The following FHOD3 variants were observed in gnomAD, a reference collection of about 807,000 sequenced individuals.
FHOD3 encodes FH1/FH2 domain-containing protein 3.
In FHOD3, 90 loss-of-function variants were observed where a neutral mutation model predicts 173.0. That is an observed-to-expected ratio of 0.52 (90% CI 0.44 to 0.62). The LOEUF (loss-of-function observed/expected upper bound fraction) is 0.62. Ranked by LOEUF, FHOD3 falls within the 20% of genes least tolerant of loss-of-function variation. The pLI, the probability that FHOD3 is intolerant of heterozygous loss-of-function variation, is 0.00. For synonymous variants in FHOD3, 828 were observed against 823.0 expected (o/e 1.01, Z -0.10); for missense variants, 1,945 against 2,034.7 (o/e 0.96, Z 0.85).
intron 3 of FHOD3, among the ~76,000 whole-genome samples, chr18:36,441,661 CAT>C (rs2051160544): frequency 6.6e-6 from 1 of 152,220 alleles, no homozygotes; most frequent in Non-Finnish European, 1.5e-5. Flanking sequence ...TGGGAAACCA[CAT>C]GTTACAGGGA....
At chr18:36,375,840 G>T (rs1057238949) in intron 3 of FHOD3, among the ~76,000 whole-genome samples, 1 of 152,226 alleles carries the variant, frequency 6.6e-6, no homozygotes, top group African/African-American at 2.4e-5. Flanking sequence ...TCAAACTTTT[G>T]TACCTCTGTG....
intron 1 of FHOD3, among the ~76,000 whole-genome samples, chr18:36,343,536 A>C (rs539412930): frequency 9.2e-5 from 14 of 152,150 alleles, no homozygotes; most frequent in Non-Finnish European, 2.1e-4. Context: ...GAACAGATTA[A>C]TGCCCATGGT....
chr18:36,611,351 A>G (rs920027706), intron 8 of FHOD3, among the ~76,000 whole-genome samples: 2 of 152,214 alleles, frequency 1.3e-5, no homozygotes, highest in Non-Finnish European at 2.9e-5. Flanking sequence ...GCATGGCCTT[A>G]GTAGGTCCTC....
chr18:36,733,272 TA>T (rs760062661), intron 20 of FHOD3, among the ~76,000 whole-genome samples: 2 of 152,210 alleles, frequency 1.3e-5, no homozygotes, highest in Admixed American at 6.5e-5. Flanking sequence ...TTTTCTATAA[TA>T]TCCTCTTACA....
At chr18:36,708,116 T>C (rs2149662297) in intron 17 of FHOD3, among the ~76,000 whole-genome samples, 1 of 152,278 alleles carries the variant, frequency 6.6e-6, no homozygotes, top group Admixed American at 6.5e-5. Flanking sequence ...ATAAGCCAGA[T>C]TGTGCCATTT....
intron 3 of FHOD3, among the ~76,000 whole-genome samples, chr18:36,468,563 G>A (rs2053089574): frequency 6.6e-6 from 1 of 152,194 alleles, no homozygotes; most frequent in South Asian, 2.1e-4. Flanking sequence ...GGGAAGGTGA[G>A]TGCCAGCCTG....
intron 3 of FHOD3, among the ~76,000 whole-genome samples, chr18:36,493,913 C>T (rs546690437): frequency 1.3e-5 from 2 of 152,336 alleles, no homozygotes; most frequent in South Asian, 4.1e-4. Context: ...ATGTATTTGA[C>T]ACTTGATGAG....
In FHOD3 at chr18:36,528,935, G is replaced by C. The variant is rs141377190; in HGVS notation, c.511+16392G>C. 2.0e-3 allele frequency among the ~76,000 whole-genome samples: 302 copies of C among 152,306 alleles called. 2 individuals are homozygous for C. The highest frequency in any genetic ancestry group is 6.8e-3 in the African/African-American group (281 of 41,566). ...CTCGCACACTCACTGCCCTGGGGGTGGGTTGGCATTAGCTGGACAGAATGT... is the reference window on the plus strand; with the variant it reads ...CTCGCACACTCACTGCCCTGGGGGTCGGTTGGCATTAGCTGGACAGAATGT... On this transcript the variant is annotated intron_variant, in intron 5 of 28. Transcript: ENST00000590592.
chr18:36,475,445 G>A (rs1390544759), intron 3 of FHOD3, among the ~76,000 whole-genome samples: 1 of 144,834 alleles, frequency 6.9e-6, no homozygotes, highest in Non-Finnish European at 1.5e-5. Context: ...TTTTAAATAG[G>A]TAGTTCAAGC....
At chr18:36,563,377 G>A (rs956081828) in intron 5 of FHOD3, among the ~76,000 whole-genome samples, 1 of 152,166 alleles carries the variant, frequency 6.6e-6, no homozygotes, top group Admixed American at 6.5e-5. Context: ...ATACACCCCC[G>A]CAGGGGCTTT....
chr18:36,600,245 C>G (rs1402222712), intron 7 of FHOD3, among the ~76,000 whole-genome samples: 1 of 118,956 alleles, frequency 8.4e-6, no homozygotes, highest in African/African-American at 3.3e-5. Flanking sequence ...GGAACCCTCT[C>G]CTCTGCAACA....
At chr18:36,679,475 C>T (rs1410950986) in intron 14 of FHOD3, among the ~76,000 whole-genome samples, 1 of 151,982 alleles carries the variant, frequency 6.6e-6, no homozygotes, top group Non-Finnish European at 1.5e-5. Context: ...AATTGTTGAG[C>T]TGATCACTCA....
chr18:36,631,080 G>A (rs926365636), intron 10 of FHOD3, among the ~76,000 whole-genome samples: 4 of 152,222 alleles, frequency 2.6e-5, no homozygotes, highest in Non-Finnish European at 4.4e-5. Context: ...TCCAGGCCAG[G>A]AGTACTGATG....
chr18:36,627,844 C>G (rs1380030942), intron 10 of FHOD3, among the ~76,000 whole-genome samples: 1 of 152,212 alleles, frequency 6.6e-6, no homozygotes, highest in Non-Finnish European at 1.5e-5. Context: ...GTGCCTCAAA[C>G]AGTACCTCAG....
rs78923784 is a variant in FHOD3 at position 36,726,604 on chromosome 18, A to T, written c.3418-4042A>T. Among the ~76,000 whole-genome samples, 726 of 152,246 alleles carry T rather than the reference A, an allele frequency of 4.8e-3. 7 individuals carry two copies. The highest frequency in any genetic ancestry group is 0.016 in the African/African-American group (680 of 41,542). ...TCATTGACCAATTTCCTTATTTTCA[A>T]ATTTTAAACCATGGAAAACCACTGT... On this transcript the variant is annotated intron_variant, in intron 19 of 28. Transcript: ENST00000590592.
At chr18:36,320,760 C>G (rs1296849479) in intron 1 of FHOD3, among the ~76,000 whole-genome samples, 1 of 152,178 alleles carries the variant, frequency 6.6e-6, no homozygotes, top group Non-Finnish European at 1.5e-5. Context: ...GTGCATTGCA[C>G]CTGAACCTGA....
At chr18:36,735,121 GTC>G (rs2041565780) in intron 20 of FHOD3, among the ~76,000 whole-genome samples, 1 of 152,048 alleles carries the variant, frequency 6.6e-6, no homozygotes, top group South Asian at 2.1e-4. Context: ...ATTTTATAGA[GTC>G]TGTGTCTACT....
chr18:36,493,542 G>A (rs779247045), intron 3 of FHOD3, among the ~76,000 whole-genome samples: 9 of 152,148 alleles, frequency 5.9e-5, no homozygotes, highest in East Asian at 5.8e-4. Flanking sequence ...GGAAATGGGC[G>A]TCACCCAAGC....
chr18:36,636,672 C>T (rs866897999), intron 10 of FHOD3, among the ~76,000 whole-genome samples: 3,711 of 132,666 alleles, frequency 0.028, 169 homozygotes, highest in African/African-American at 0.1. Context: ...TTTTTTTTTT[C>T]CAGCCATGTG....
Sources: gnomAD v4.1 joint callset for allele counts (sites outside exome capture counted in the v4.1 genomes callset) on GRCh38, gnomAD v4.1.1 for gene constraint, MANE v1.5 for transcripts, NCBI Gene and HGNC (gene_info 2026-07-23, HGNC 2026-07-21) for gene names.